Variants in FRMPD4 observed in about 807,000 individuals in gnomAD.
FRMPD4 encodes the protein FERM and PDZ domain containing 4.
In FRMPD4, 22 loss-of-function variants were observed where a neutral mutation model predicts 94.1. That is an observed-to-expected ratio of 0.23 (90% CI 0.17 to 0.33). The LOEUF is 0.33. Among genes scored for constraint, FRMPD4 ranks in the 10% least tolerant of loss-of-function variants. The probability of loss-of-function intolerance (pLI) is 1.00; values close to 1 mark genes in which losing one functional copy is unlikely to be tolerated. For missense variants in FRMPD4, 1,111 were observed against 1,339.9 expected, an observed-to-expected ratio of 0.83 and a Z score of 2.67; for synonymous variants, 631 against 548.6, an observed-to-expected ratio of 1.15 and a Z score of -2.10.
At chrX:12,439,732 C>T (rs2057113585) in intron 1 of FRMPD4, among the ~76,000 whole-genome samples, 1 of 112,141 alleles carries the variant, frequency 8.9e-6, no homozygotes, top group Non-Finnish European at 1.9e-5. Context: ...AGGAGAAGGT[C>T]ACCTGCCAGC....
intron 1 of FRMPD4, among the ~76,000 whole-genome samples, chrX:12,187,475 A>G (rs2056438341): frequency 9.0e-6 from 1 of 111,583 alleles, no homozygotes; most frequent in Non-Finnish European, 1.9e-5. Context: ...TTAAGAATGA[A>G]TTTGTTTTTA....
At chrX:12,335,319 G>A (rs138047245) in intron 1 of FRMPD4, among the ~76,000 whole-genome samples, 1 of 110,120 alleles carries the variant, frequency 9.1e-6, no homozygotes, top group African/African-American at 3.3e-5. Flanking sequence ...GTTGAGACGA[G>A]GTCTTGCTAT....
chrX:12,341,213 C>A (rs1349659869), intron 1 of FRMPD4, among the ~76,000 whole-genome samples: 2 of 111,707 alleles, frequency 1.8e-5, no homozygotes, highest in Non-Finnish European at 3.8e-5. Flanking sequence ...CCAAAGCATT[C>A]CCCTTTACCT....
At chrX:12,315,749 A>G (rs2055104494) in intron 1 of FRMPD4, among the ~76,000 whole-genome samples, 1 of 112,221 alleles carries the variant, frequency 8.9e-6, no homozygotes, top group Non-Finnish European at 1.9e-5. Context: ...ATACTCATGC[A>G]AGATTTGGCC....
intron 3 of FRMPD4, among the ~76,000 whole-genome samples, chrX:12,038,060 G>A (rs2054729950): frequency 9.0e-6 from 1 of 111,546 alleles, no homozygotes; most frequent in Admixed American, 9.5e-5. Context: ...TCCAGTTTTT[G>A]ACTAATAGTG....
intron 4 of FRMPD4, among the ~76,000 whole-genome samples, chrX:12,649,776 C>T: frequency 8.9e-6 from 1 of 112,748 alleles, no homozygotes; most frequent in Middle Eastern, 4.6e-3. Flanking sequence ...ATTCTTCTGA[C>T]AATGTCCTGG....
At chrX:12,662,192 T>C (rs778133087) in intron 4 of FRMPD4, among the ~76,000 whole-genome samples, 29 of 111,289 alleles carry the variant, frequency 2.6e-4, no homozygotes, top group Non-Finnish European at 9.4e-5. Context: ...TTTTTTTTTT[T>C]AGTTTTCTTT....
intron 1 of FRMPD4, among the ~76,000 whole-genome samples, chrX:12,413,960 T>A (rs1441299474): frequency 8.9e-6 from 1 of 112,584 alleles, no homozygotes; most frequent in African/African-American, 3.2e-5. Flanking sequence ...TGATAATTTT[T>A]TTCAATTAAA....
intron 3 of FRMPD4, among the ~76,000 whole-genome samples, chrX:11,896,207 A>G (rs1272082908): frequency 2.7e-5 from 3 of 112,251 alleles, no homozygotes; most frequent in Non-Finnish European, 5.6e-5. Flanking sequence ...AAAGAAAAAA[A>G]AAATAATTCA....
chrX:12,303,974 T>C (rs1452903764), intron 1 of FRMPD4, among the ~76,000 whole-genome samples: 1 of 112,317 alleles, frequency 8.9e-6, no homozygotes, highest in Non-Finnish European at 1.9e-5. Context: ...CAAGGTAGAC[T>C]GTACAGTCCT....
chrX:12,506,358 G>A (rs1451301219), intron 2 of FRMPD4, among the ~76,000 whole-genome samples: 1 of 110,995 alleles, frequency 9.0e-6, no homozygotes, highest in Admixed American at 9.5e-5. Flanking sequence ...ACACGATCTC[G>A]GCTCACTGCA....
intron 1 of FRMPD4, among the ~76,000 whole-genome samples, chrX:12,430,307 T>C (rs764298390): frequency 1.8e-5 from 2 of 112,457 alleles, no homozygotes; most frequent in East Asian, 2.8e-4. Context: ...CCTTACTGAA[T>C]GTGACTTTCA....
rs1569234398 is a variant in FRMPD4 at position 12,331,856 on chromosome X, ATTATATATATTTATATACTATATATAAAT to A, written c.42-166822_42-166794del. Among the ~76,000 whole-genome samples, 14 of 46,834 alleles carry A rather than the reference ATTATATATATTTATATACTATATATAAAT, an allele frequency of 3.0e-4. No individual in the cohort carries two copies. In the East Asian group the frequency reaches 3.4e-3, roughly 12 times the overall value. The allele number at this position is 46,834 out of a possible 115,157, so 40.7% of individuals were successfully genotyped here. On this transcript the variant is annotated intron_variant, in intron 1 of 16. Transcript: ENST00000675598. ...ATATATATTTATATACTATATATAAATTATATATATTTATATACTATATATAAATTATATATATTTATATACTATATATA... is the reference window on the plus strand; with the variant it reads ...ATATATATTTATATACTATATATAAATATATATATTTATATACTATATATA...
chrX:12,350,927 A>G (rs771894696), intron 1 of FRMPD4, among the ~76,000 whole-genome samples: 33 of 112,385 alleles, frequency 2.9e-4, no homozygotes, highest in Middle Eastern at 4.7e-3. Flanking sequence ...TGTAATCCCA[A>G]CACTTTGGGA....
chrX:12,605,091 T>G, intron 2 of FRMPD4, among the ~76,000 whole-genome samples: 1 of 112,226 alleles, frequency 8.9e-6, no homozygotes, highest in Non-Finnish European at 1.9e-5. Context: ...CAATAAGAAG[T>G]AGGGGAGCCA....
At chrX:12,421,715 C>G (rs1031596633) in intron 1 of FRMPD4, among the ~76,000 whole-genome samples, 1 of 102,242 alleles carries the variant, frequency 9.8e-6, no homozygotes, top group African/African-American at 3.7e-5. Context: ...TGAGCTATGA[C>G]TGGGCCACTA....
At chrX:12,173,329 T>C (rs1334829890) in intron 1 of FRMPD4, among the ~76,000 whole-genome samples, 1 of 112,662 alleles carries the variant, frequency 8.9e-6, no homozygotes, top group East Asian at 2.8e-4. Flanking sequence ...CACAGCCTCC[T>C]TGTAACCAGC....
chrX:12,282,594 G>T (rs2054542352), intron 1 of FRMPD4, among the ~76,000 whole-genome samples: 1 of 110,917 alleles, frequency 9.0e-6, no homozygotes, highest in South Asian at 3.8e-4. Flanking sequence ...TTTATTATTT[G>T]AATGCTTAGG....
chrX:12,142,747 G>T (rs1270368317), intron 1 of FRMPD4, among the ~76,000 whole-genome samples: 2 of 111,861 alleles, frequency 1.8e-5, no homozygotes, highest in Admixed American at 1.9e-4. Flanking sequence ...GTTCTGGGAA[G>T]AAGGCGTCTA....
Sources: gnomAD v4.1 joint callset for allele counts (sites outside exome capture counted in the v4.1 genomes callset) on GRCh38, gnomAD v4.1.1 for gene constraint, MANE v1.5 for transcripts, NCBI Gene and HGNC (gene_info 2026-07-23, HGNC 2026-07-21) for gene names.